Variants in ACAN observed in about 807,000 individuals in gnomAD.
The protein encoded by ACAN is aggrecan, also known as aggrecan core protein.
A neutral mutation model predicts 169.1 loss-of-function variants in ACAN; 47 were observed. The ratio of observed to expected loss-of-function variants is 0.28; its 90% confidence interval spans 0.22 to 0.35. The LOEUF (loss-of-function observed/expected upper bound fraction) is 0.35, where lower values mean the gene tolerates loss of function less well. Ranked by LOEUF, ACAN falls within the 10% of genes least tolerant of loss-of-function variation. The probability of loss-of-function intolerance (pLI) is 1.00; values close to 1 mark genes in which losing one functional copy is unlikely to be tolerated. For synonymous variants in ACAN, 1,115 were observed against 1,112.2 expected, an observed-to-expected ratio of 1.00 and a Z score of -0.05; for missense variants, 2,716 against 2,759.9, an observed-to-expected ratio of 0.98 and a Z score of 0.36.
chr15:88,847,357 C>G lies in ACAN; in HGVS notation c.1544C>G (p.Ala515Gly). ...AVIASPEQLQ[A>G]AYEAGYEQCD... ...ATTGCCTCGCCGGAGCAGCTCCAGG[C>G]CGCCTACGAAGCAGGCTATGAGCAG... Residue 515 changes from alanine (A) to glycine (G), a missense_variant, in exon 8 of 19, where the codon GCC (alanine) becomes GGC (glycine). By Grantham distance (60) the Ala-to-Gly change is moderately conservative. This residue lies in a region of ACAN where 1,283 missense variants were observed against 1,281.5 expected (regional missense o/e 1.00). Transcript: ENST00000560601. The G allele has an allele frequency of 6.3e-7, 1 of 1,589,422 alleles. No homozygotes were observed. Among genetic ancestry groups the G allele is most frequent in the African/African-American group, 1.3e-5 (1 of 74,590 alleles).
intron 1 of ACAN, among the ~76,000 whole-genome samples, chr15:88,822,319 G>GT (rs1244720425): frequency 6.6e-6 from 1 of 152,204 alleles, no homozygotes; most frequent in Non-Finnish European, 1.5e-5. Flanking sequence ...TTCGGGCAAA[G>GT]TTAATCCTTT....
At chr15:88,837,106 C>G (rs1896523704) in intron 2 of ACAN, among the ~76,000 whole-genome samples, 1 of 152,234 alleles carries the variant, frequency 6.6e-6, no homozygotes. Context: ...TGGGTCCATC[C>G]TCCTACGGGG....
At chr15:88,817,849 G>GAACAAAA (rs1895979145) in intron 1 of ACAN, among the ~76,000 whole-genome samples, 1 of 73,406 alleles carries the variant, frequency 1.4e-5, no homozygotes, top group Non-Finnish European at 2.6e-5. Flanking sequence ...GTGAGACTCT[G>GAACAAAA]AAAAAAAAAA....
At chr15:88,815,502 T>C (rs1053232090) in intron 1 of ACAN, among the ~76,000 whole-genome samples, 2 of 147,956 alleles carry the variant, frequency 1.4e-5, no homozygotes, top group African/African-American at 5.0e-5. Context: ...GAGGTTACAG[T>C]GAACTGAGAT....
At position 88,872,094 on chromosome 15, in the gene ACAN, T is replaced by TGC; in HGVS notation, c.7302+10_7302+11dup. The TGC allele has an allele frequency of 6.2e-7, 1 of 1,612,718 alleles. No individual in the cohort carries two copies. The highest frequency in any genetic ancestry group is 1.3e-5 in the African/African-American group (1 of 75,052). Reference sequence around the variant, plus strand: ...CAGATGGACACCCCATGGTGAGTTCTGCTGTAGGCACAGCTGGTGGCCCAG... The same window carrying TGC: ...CAGATGGACACCCCATGGTGAGTTCTGCGCTGTAGGCACAGCTGGTGGCCCAG... On this transcript the variant is annotated intron_variant, in intron 16 of 18. Transcript: ENST00000560601. This position sits in a 1 kb window ranked among gnomAD's most constrained non-coding sequence, Gnocchi z 5.4.
chr15:88,864,681 G>A (rs530102297), intron 13 of ACAN, among the ~76,000 whole-genome samples: 1 of 152,216 alleles, frequency 6.6e-6, no homozygotes, highest in South Asian at 2.1e-4. Flanking sequence ...ATCTACTCAG[G>A]TCTGTTCATC....
Position 88,859,203 on chromosome 15 carries a change from C to G in ACAN, c.6618C>G (p.Thr2206=), listed in dbSNP as rs748809787. Residue 2206 remains threonine, a synonymous_variant, in exon 12 of 19, where the codon ACC becomes ACG. Transcript: ENST00000560601. ...TCAGCGGAGACCTGTCTGGTCACAC[C>G]TCGCAGCTGGGCGTTGTCATCAGCA... ...TEISGDLSGH[T]SQLGVVISTS... 18 of 1,613,902 alleles carry G rather than the reference C, an allele frequency of 1.1e-5. No homozygotes were observed. In the South Asian group the frequency reaches 2.0e-4, roughly 18 times the overall value.
At chr15:88,806,933 T>C (rs1895697508) in intron 1 of ACAN, among the ~76,000 whole-genome samples, 1 of 152,204 alleles carries the variant, frequency 6.6e-6, no homozygotes, top group African/African-American at 2.4e-5. Context: ...GAAACTTTTG[T>C]TTCTGTTATT....
At chr15:88,819,057 G>A (rs1056383692) in intron 1 of ACAN, among the ~76,000 whole-genome samples, 4 of 152,306 alleles carry the variant, frequency 2.6e-5, no homozygotes, top group African/African-American at 9.6e-5. Context: ...TGAGTCCCCA[G>A]AAGGCACTTT....
intron 6 of ACAN, among the ~76,000 whole-genome samples, chr15:88,844,666 C>T (rs1196729404): frequency 6.6e-6 from 1 of 152,146 alleles, no homozygotes; most frequent in African/African-American, 2.4e-5. Flanking sequence ...AGCCACCACG[C>T]CCGGCCACAA....
In ACAN at chr15:88,859,318, G is replaced by C; in HGVS notation, c.6733G>C (p.Gly2245Arg). The change falls in exon 12 of 19, where the codon GGA becomes CGA. Residue 2245 changes from glycine to arginine, a missense_variant. Physicochemically the swap from Gly to Arg is moderately radical, Grantham distance 125. This residue lies in a region of ACAN where 1,389 missense variants were observed against 1,363.7 expected (regional missense o/e 1.02). Coordinates refer to ENST00000560601, the MANE Select transcript of ACAN (RefSeq NM_001369268.1). ...EIESSSLLYS[G>R]EETHTVETAT... Reference sequence around the variant, plus strand: ...TGAGTCCTCAAGCCTCCTGTACTCAGGAGAAGAGACTCACACAGTCGAAAC... The same window carrying C: ...TGAGTCCTCAAGCCTCCTGTACTCACGAGAAGAGACTCACACAGTCGAAAC... 6.2e-7 allele frequency: 1 copy of C among 1,610,336 alleles called. No individual in the cohort carries two copies. The highest frequency in any genetic ancestry group is 1.1e-5 in the South Asian group (1 of 90,480).
intron 1 of ACAN, among the ~76,000 whole-genome samples, chr15:88,830,853 AT>A (rs1423397374): frequency 6.6e-6 from 1 of 152,118 alleles, no homozygotes; most frequent in Admixed American, 6.5e-5. Context: ...AAATAAAGTA[AT>A]TGCACTATGA....
In ACAN at chr15:88,841,759, C is replaced by T. The variant is rs370993153; in HGVS notation, c.649C>T (p.Arg217Trp). ...QTVRYPIHTPREGCYGDKDEF... is the reference protein window; with the variant it reads ...QTVRYPIHTPWEGCYGDKDEF... ...TGGCAGATACCCCATCCACACTCCC[C>T]GGGAAGGCTGCTATGGAGACAAGGA... is the stretch of plus-strand genomic sequence containing the variant. The change falls in exon 5 of 19, where the codon CGG (arginine) becomes TGG (tryptophan). Residue 217 changes from arginine (R) to tryptophan (W), a missense_variant. Transcript: ENST00000560601. 9.3e-6 allele frequency: 15 copies of T among 1,613,802 alleles called. No homozygotes were observed. Among genetic ancestry groups the T allele is most frequent in the Non-Finnish European group, 1.2e-5 (14 of 1,179,836 alleles).
chr15:88,809,432 G>T (rs1690451887), intron 1 of ACAN, among the ~76,000 whole-genome samples: 1 of 152,218 alleles, frequency 6.6e-6, no homozygotes, highest in Non-Finnish European at 1.5e-5. Context: ...CCAAGATCCA[G>T]TGAGGACCTC....
intron 10 of ACAN, chr15:88,850,187 G>A: frequency 1.7e-5 from 5 of 298,942 alleles, no homozygotes; most frequent in Non-Finnish European, 3.1e-5. Flanking sequence ...GTAATATATA[G>A]CTTTATTTTG....
chr15:88,842,902 A>G (rs1596134531), intron 5 of ACAN, among the ~76,000 whole-genome samples: 1 of 152,130 alleles, frequency 6.6e-6, no homozygotes, highest in East Asian at 1.9e-4. Context: ...CAGGGTCTAG[A>G]GACCCCAGTT....
Position 88,868,339 on chromosome 15 carries a change from T to C in ACAN, c.7060+10T>C, listed in dbSNP as rs1002873338. ...GACCTGTGTGAGATTGGTACGGCCG[T>C]CTTGGCTTCAGCTAATGTTACTAAC... On this transcript the variant is annotated intron_variant, in intron 14 of 18. Coordinates refer to ENST00000560601, the MANE Select transcript of ACAN (RefSeq NM_001369268.1). The surrounding 1 kb of genome is among the most constrained non-coding windows in gnomAD (Gnocchi z 5.2). 2 of 702,254 alleles carry C rather than the reference T, an allele frequency of 2.8e-6. No individual in the cohort carries two copies. Among genetic ancestry groups the C allele is most frequent in the Admixed American group, 4.0e-5 (2 of 49,940 alleles). The allele number at this position is 702,254 out of a possible 1,614,324, so 43.5% of individuals were successfully genotyped here.
At chr15:88,822,547 A>C (rs1250138011) in intron 1 of ACAN, among the ~76,000 whole-genome samples, 2 of 151,472 alleles carry the variant, frequency 1.3e-5, no homozygotes, top group African/African-American at 4.9e-5. Flanking sequence ...GCTCACTGCA[A>C]CCTCCGCCTC....
rs542651723 is a variant in ACAN at position 88,859,046 on chromosome 15, T to C, written c.6461T>C (p.Leu2154Ser). ...GGCCTAGGAGTGAGCGGCAGCACTTTGACATTTCAAGAAGGCGAGGCGTCC... is the reference window on the plus strand; with the variant it reads ...GGCCTAGGAGTGAGCGGCAGCACTTCGACATTTCAAGAAGGCGAGGCGTCC... Reference protein sequence around the residue: ...SSGLGVSGSTLTFQEGEASAA... With the variant: ...SSGLGVSGSTSTFQEGEASAA... The change falls in exon 12 of 19, where the codon TTG (leucine) becomes TCG (serine). Residue 2154 changes from leucine (L) to serine (S), a missense_variant. Leu to Ser is a moderately radical substitution (Grantham distance 145, BLOSUM62 -2). Coordinates refer to ENST00000560601, the MANE Select transcript of ACAN (RefSeq NM_001369268.1). 14 of 1,613,930 alleles carry C rather than the reference T, an allele frequency of 8.7e-6. No homozygotes were observed. The East Asian group carries it at 2.0e-4, about 23-fold the overall frequency.
Sources: allele counts gnomAD v4.1 joint callset (sites outside exome capture counted in the v4.1 genomes callset), GRCh38; gene constraint gnomAD v4.1.1; regional missense constraint gnomAD v4.1.1; non-coding constraint Gnocchi (gnomAD v3.1); transcripts MANE v1.5; gene names NCBI Gene and HGNC (gene_info 2026-07-23, HGNC 2026-07-21).